RPSA: variants seen among roughly 807,000 people sequenced by gnomAD.
The protein encoded by RPSA is small ribosomal subunit protein uS2.
For missense variants in RPSA, 140 were observed against 372.8 expected (o/e 0.38, Z 5.14); for synonymous variants, 103 against 126.7 (o/e 0.81, Z 1.25).
At position 39,412,537 on chromosome 3, in the gene RPSA, T is replaced by A. The variant is rs1298706184; in HGVS notation, c.*169T>A. Reference sequence around the variant, plus strand: ...TACATGTCTCGACATGAGTTGTACTTCTAAAGCCCACTGTAGATAGTGTAT... The same window carrying A: ...TACATGTCTCGACATGAGTTGTACTACTAAAGCCCACTGTAGATAGTGTAT... On this transcript the variant is annotated 3_prime_UTR_variant, in exon 7 of 7. Transcript: ENST00000301821. The A allele has an allele frequency of 1.7e-6, 1 of 597,146 alleles. No homozygotes were observed. Among genetic ancestry groups the A allele is most frequent in the Non-Finnish European group, 3.0e-6 (1 of 337,094 alleles). The allele number at this position is 597,146 out of a possible 1,614,324, so 37.0% of individuals were successfully genotyped here.
intron 3 of RPSA, 30 bp from the exon 4 acceptor site, chr3:39,410,724 G>T: frequency 6.2e-7 from 1 of 1,613,736 alleles, no homozygotes; most frequent in South Asian, 1.1e-5. Context: ...GTGGAATATC[G>T]AGTACCACTA....
At chr3:39,408,789 G>T (rs2041958604) in intron 3 of RPSA, 65 bp downstream of exon 3, 1 of 934,012 alleles carries the variant, frequency 1.1e-6, no homozygotes, top group Non-Finnish European at 1.8e-6. Flanking sequence ...GTGAGACATA[G>T]AAAGACATAA....
At chr3:39,407,499 C>T in intron 1 of RPSA, 122 bp from the exon 2 acceptor site, 2 of 769,402 alleles carry the variant, frequency 2.6e-6, no homozygotes, top group Non-Finnish European at 2.3e-6. Flanking sequence ...TTCTGTTTAC[C>T]CTTCACTACA....
At position 39,410,804 on chromosome 3, in the gene RPSA, C is replaced by G. The variant is rs1298131010; in HGVS notation, c.303C>G (p.Gly101=). ...AAATGATPIA[G]RFTPGTFTNQ... ...CCACTGGAGCCACTCCAATTGCTGG[C>G]CGCTTCACTCCTGGAACCTTCACTA... The change falls in exon 4 of 7, where the codon GGC becomes GGG. Residue 101 remains glycine (G), a synonymous_variant. Coordinates refer to ENST00000301821, the MANE Select transcript of RPSA (RefSeq NM_002295.6). 7.4e-6 allele frequency: 12 copies of G among 1,611,596 alleles called. No homozygotes were observed. The highest frequency in any genetic ancestry group is 1.0e-5 in the Non-Finnish European group (12 of 1,179,388).
chr3:39,408,432 A>G (rs756143134), intron 2 of RPSA, 174 bp from the exon 3 acceptor site: 3 of 769,918 alleles, frequency 3.9e-6, no homozygotes, highest in South Asian at 1.4e-5. Flanking sequence ...GTCTTGGCTC[A>G]TGAACTTCTG....
At position 39,410,816 on chromosome 3, in the gene RPSA, T is replaced by C. The variant is rs529221890; in HGVS notation, c.315T>C (p.Pro105=). The part of the protein sequence containing the change: ...GATPIAGRFT[P]GTFTNQIQAA... ...CTCCAATTGCTGGCCGCTTCACTCC[T>C]GGAACCTTCACTAACCAGATCCAGG... The change falls in exon 4 of 7, where the codon CCT becomes CCC. Residue 105 remains proline, a synonymous_variant. Transcript: ENST00000301821. The C allele has an allele frequency of 1.4e-4, 223 of 1,610,342 alleles. 2 individuals carry two copies. In the South Asian group the frequency reaches 2.3e-3, roughly 17 times the overall value.
intron 4 of RPSA, 153 bp from the exon 5 acceptor site, chr3:39,411,496 G>T: frequency 1.3e-6 from 1 of 786,430 alleles, no homozygotes; most frequent in Non-Finnish European, 2.0e-6. Flanking sequence ...AGACAAGGTT[G>T]AAAATCCCTA....
Position 39,410,649 on chromosome 3 carries a change from AT to A in RPSA, c.253-104del, listed in dbSNP as rs1440205554. 3 of 1,271,272 alleles carry A rather than the reference AT, an allele frequency of 2.4e-6. No individual in the cohort carries two copies. In the African/African-American group the frequency reaches 4.4e-5, roughly 19 times the overall value. The allele number at this position is 1,271,272 out of a possible 1,614,324, so 78.7% of individuals were successfully genotyped here. A position where few individuals can be genotyped will look rare whatever the true frequency, so the allele number is the denominator to read the frequency against. On this transcript the variant is annotated intron_variant, in intron 3 of 6. Coordinates refer to ENST00000301821, the MANE Select transcript of RPSA (RefSeq NM_002295.6). ...AAAGCTGGGTATGTGCCTGCTTTAC[AT>A]GGAGTAGTAGTGATTAAGTTGGCCA...
rs964412385 is a variant in RPSA at position 39,410,356 on chromosome 3, C to T, written c.253-398C>T. 43 of 234,512 alleles carry T rather than the reference C, an allele frequency of 1.8e-4. No homozygotes were observed. The Middle Eastern group carries it at 5.0e-3, about 27-fold the overall frequency. The allele number at this position is 234,512 out of a possible 1,614,324, so 14.5% of individuals were successfully genotyped here. On this transcript the variant is annotated intron_variant, in intron 3 of 6. Coordinates refer to ENST00000301821, the MANE Select transcript of RPSA (RefSeq NM_002295.6). ...AGACTTTATTTCAATGTTGACAGGA[C>T]GGGTTCCCATGTGTGTTTTTGCAGA...
At chr3:39,407,840 C>T in intron 2 of RPSA, 54 bp downstream of exon 2, 5 of 1,475,202 alleles carry the variant, frequency 3.4e-6, no homozygotes, top group Admixed American at 3.4e-5. Context: ...AAATTTTGAG[C>T]TTGCTATTCT....
In RPSA at chr3:39,408,350, A is replaced by G. The variant is rs1372544586; in HGVS notation, c.134-256A>G. 3 of 673,148 alleles carry G rather than the reference A, an allele frequency of 4.5e-6. No homozygotes were observed. In the East Asian group the frequency reaches 9.0e-5, roughly 20 times the overall value. The allele number at this position is 673,148 out of a possible 1,614,324, so 41.7% of individuals were successfully genotyped here. On this transcript the variant is annotated intron_variant, in intron 2 of 6. Coordinates refer to ENST00000301821, the MANE Select transcript of RPSA (RefSeq NM_002295.6). ...AACCAATGATGGAATAAGTACAGGG[A>G]AAGAGAAAGGAAAGATGGATTTAGC...
At chr3:39,410,353 G>A (rs565955034) in intron 3 of RPSA, 1 of 234,904 alleles carries the variant, frequency 4.3e-6, no homozygotes, top group Non-Finnish European at 8.5e-6. Flanking sequence ...AATGTTGACA[G>A]GACGGGTTCC....
intron 4 of RPSA, chr3:39,411,332 G>A: frequency 1.6e-6 from 1 of 606,800 alleles, no homozygotes. Context: ...ACACCAACTT[G>A]ATGGGTTCTA....
intron 4 of RPSA, chr3:39,411,250 T>C (rs2042001885): frequency 1.4e-6 from 1 of 715,962 alleles, no homozygotes; most frequent in South Asian, 1.4e-5. Flanking sequence ...TGAAAACATT[T>C]GGAAAATAGT....
At chr3:39,408,509 C>T in intron 2 of RPSA, 97 bp from the exon 3 acceptor site, 1 of 812,322 alleles carries the variant, frequency 1.2e-6, no homozygotes, top group Non-Finnish European at 2.2e-6. Flanking sequence ...GCCTCTATGA[C>T]TGGAGTTTGG....
At position 39,408,462 on chromosome 3, in the gene RPSA, A is replaced by G. The variant is rs747622236; in HGVS notation, c.134-144A>G. 1.9e-5 allele frequency: 15 copies of G among 777,530 alleles called. 1 individual carries two copies. In the South Asian group the frequency reaches 2.0e-4, roughly 11 times the overall value. The allele number at this position is 777,530 out of a possible 1,614,324, so 48.2% of individuals were successfully genotyped here. On this transcript the variant is annotated intron_variant, in intron 2 of 6. Coordinates refer to ENST00000301821, the MANE Select transcript of RPSA (RefSeq NM_002295.6). ...CTTCTGAGTGTCGGAAGTGTGCTATATCAATGGCAGGATTTTCGCTAACAC... is the reference window on the plus strand; with the variant it reads ...CTTCTGAGTGTCGGAAGTGTGCTATGTCAATGGCAGGATTTTCGCTAACAC...
chr3:39,410,650 T>C lies in RPSA; in HGVS notation c.253-104T>C, dbSNP rs2041992691. On this transcript the variant is annotated intron_variant, in intron 3 of 6. Transcript: ENST00000301821. ...AAGCTGGGTATGTGCCTGCTTTACA[T>C]GGAGTAGTAGTGATTAAGTTGGCCA... 6.3e-6 allele frequency: 8 copies of C among 1,275,130 alleles called. No homozygotes were observed. The East Asian group carries it at 1.6e-4, about 26-fold the overall frequency. The allele number at this position is 1,275,130 out of a possible 1,614,324, so 79.0% of individuals were successfully genotyped here.
intron 3 of RPSA, 101 bp downstream of exon 3, chr3:39,408,825 C>T (rs181720616): frequency 1.5e-5 from 12 of 805,530 alleles, no homozygotes; most frequent in East Asian, 2.5e-5. Flanking sequence ...TCAGGCCGGG[C>T]GCGGTGGCTA....
chr3:39,410,621 A>G (rs2041992353), intron 3 of RPSA, 133 bp from the exon 4 acceptor site: 1 of 1,014,876 alleles, frequency 9.9e-7, no homozygotes, highest in East Asian at 2.4e-5. Context: ...AGAGAGGTTA[A>G]GGAAAGCTGG....
Sources: allele counts gnomAD v4.1 joint callset, GRCh38; gene constraint gnomAD v4.1.1; transcripts MANE v1.5; gene names NCBI Gene and HGNC (gene_info 2026-07-23, HGNC 2026-07-21).